MAP2K1: variants seen among roughly 807,000 people sequenced by gnomAD.
The protein encoded by MAP2K1 is dual specificity mitogen-activated protein kinase kinase 1.
A neutral mutation model predicts 46.3 loss-of-function variants in MAP2K1; 16 were observed. The observed-to-expected ratio is 0.35, with a 90% CI of 0.23 to 0.52. The LOEUF (loss-of-function observed/expected upper bound fraction) is 0.52, where lower values mean the gene tolerates loss of function less well. MAP2K1 is among the 20% of genes least tolerant of loss of function. The pLI, the probability that MAP2K1 is intolerant of heterozygous loss-of-function variation, is 0.94. For missense variants in MAP2K1, 263 were observed against 497.1 expected (o/e 0.53, Z 4.48); for synonymous variants, 183 against 185.6 (o/e 0.99, Z 0.11).
intron 5 of MAP2K1, among the ~76,000 whole-genome samples, chr15:66,478,485 T>A (rs1892831814): frequency 7.0e-6 from 1 of 143,336 alleles, no homozygotes; most frequent in Admixed American, 7.1e-5. Context: ...CAGGTGTATA[T>A]ATAGAGGTAT....
chr15:66,426,129 G>A (rs1039511142), intron 1 of MAP2K1, among the ~76,000 whole-genome samples: 2 of 121,794 alleles, frequency 1.6e-5, no homozygotes, highest in Non-Finnish European at 3.3e-5. Context: ...CTGGGAATAC[G>A]TAAGTGTTTT....
chr15:66,453,891 TAGGCTAAAGCGATTC>T (rs1468607005), intron 5 of MAP2K1, among the ~76,000 whole-genome samples: 1 of 152,158 alleles, frequency 6.6e-6, no homozygotes, highest in African/African-American at 2.4e-5. Context: ...CTTGGCCTCC[TAGGCTAAAGCGATTC>T]TCCTGCCTCA....
Position 66,437,794 on chromosome 15 carries a change from G to C in MAP2K1, c.438+902G>C, listed in dbSNP as rs572305328. Reference sequence around the variant, plus strand: ...GTTATAGGCATCTGCTGACATTTGTGGGTGCCATATGGAACCTAAATCCTA... The same window carrying C: ...GTTATAGGCATCTGCTGACATTTGTCGGTGCCATATGGAACCTAAATCCTA... On this transcript the variant is annotated intron_variant, in intron 3 of 10. Transcript: ENST00000307102. Among the ~76,000 whole-genome samples, 11 of 152,260 alleles carry C rather than the reference G, an allele frequency of 7.2e-5. No homozygotes were observed. The South Asian group carries it at 2.3e-3, about 32-fold the overall frequency.
chr15:66,488,137 C>T (rs2140680737), intron 8 of MAP2K1, among the ~76,000 whole-genome samples: 1 of 152,280 alleles, frequency 6.6e-6, no homozygotes, highest in South Asian at 2.1e-4. Flanking sequence ...CCTCTGCTGG[C>T]ACACAGCCCC....
chr15:66,431,875 GTGT>G (rs996585243), intron 1 of MAP2K1, among the ~76,000 whole-genome samples: 1 of 152,218 alleles, frequency 6.6e-6, no homozygotes, highest in Non-Finnish European at 1.5e-5. Context: ...GCCCCAGTGT[GTGT>G]TGTTCCCGCC....
intron 1 of MAP2K1, among the ~76,000 whole-genome samples, chr15:66,408,908 A>G (rs912619358): frequency 5.9e-5 from 9 of 152,116 alleles, no homozygotes; most frequent in Non-Finnish European, 1.0e-4. Context: ...TACATATTCC[A>G]TCACACTTCA....
At chr15:66,411,313 A>G (rs2093410799) in intron 1 of MAP2K1, among the ~76,000 whole-genome samples, 1 of 152,114 alleles carries the variant, frequency 6.6e-6, no homozygotes, top group Non-Finnish European at 1.5e-5. Flanking sequence ...TGAATATACT[A>G]GGGTCTCAGG....
intron 5 of MAP2K1, among the ~76,000 whole-genome samples, chr15:66,477,616 G>A (rs1332517457): frequency 2.0e-5 from 3 of 152,174 alleles, no homozygotes; most frequent in Admixed American, 2.0e-4. Flanking sequence ...TAAGTGGCAG[G>A]GTCAGGATTT....
intron 5 of MAP2K1, among the ~76,000 whole-genome samples, chr15:66,445,124 C>G (rs534493679): frequency 1.6e-5 from 2 of 126,896 alleles, no homozygotes; most frequent in East Asian, 5.0e-4. Flanking sequence ...ATAATCCCAG[C>G]ACTTTGGGAG....
At chr15:66,405,063 TTGCA>T (rs2093393028) in intron 1 of MAP2K1, among the ~76,000 whole-genome samples, 1 of 152,214 alleles carries the variant, frequency 6.6e-6, no homozygotes, top group Non-Finnish European at 1.5e-5. Context: ...CCTCATCTCT[TTGCA>T]TTCATTATCT....
At chr15:66,397,752 C>A (rs1379806593) in intron 1 of MAP2K1, among the ~76,000 whole-genome samples, 1 of 152,106 alleles carries the variant, frequency 6.6e-6, no homozygotes, top group Non-Finnish European at 1.5e-5. Flanking sequence ...CAAGAGGAAA[C>A]AATCAGACAA....
intron 1 of MAP2K1, among the ~76,000 whole-genome samples, chr15:66,411,065 T>C (rs908123227): frequency 1.7e-4 from 26 of 152,156 alleles, no homozygotes; most frequent in Admixed American, 1.6e-3. Flanking sequence ...GTTATGTGCG[T>C]TGAGTTTCTT....
At chr15:66,490,214 T>C (rs751592154) in intron 10 of MAP2K1, 9 of 566,472 alleles carry the variant, frequency 1.6e-5, no homozygotes, top group Non-Finnish European at 2.5e-5. Context: ...CATCATTTTC[T>C]TTGTCCCTTC....
At chr15:66,485,837 C>G (rs912665430) in intron 7 of MAP2K1, among the ~76,000 whole-genome samples, 1 of 152,160 alleles carries the variant, frequency 6.6e-6, no homozygotes, top group Non-Finnish European at 1.5e-5. Flanking sequence ...GCCTCAGCCT[C>G]CCAAAATGCT....
At chr15:66,433,741 A>G (rs930445545) in intron 1 of MAP2K1, among the ~76,000 whole-genome samples, 3 of 152,172 alleles carry the variant, frequency 2.0e-5, no homozygotes, top group African/African-American at 7.2e-5. Context: ...TGTATAATGA[A>G]GGCCTATCTT....
intron 1 of MAP2K1, among the ~76,000 whole-genome samples, chr15:66,410,113 C>T (rs1337782435): frequency 6.6e-6 from 1 of 152,224 alleles, no homozygotes; most frequent in African/African-American, 2.4e-5. Context: ...CATCCGGATC[C>T]GTTGACTTCT....
Position 66,476,300 on chromosome 15 carries a change from C to T in MAP2K1, c.569-5455C>T, listed in dbSNP as rs946431632. ...AGTTATCAAAGGATCAGAAAGAGAACGCAAGGCCCAGAGGTGGCCTCAGGA... is the reference window on the plus strand; with the variant it reads ...AGTTATCAAAGGATCAGAAAGAGAATGCAAGGCCCAGAGGTGGCCTCAGGA... On this transcript the variant is annotated intron_variant, in intron 5 of 10. Coordinates refer to ENST00000307102, the MANE Select transcript of MAP2K1 (RefSeq NM_002755.4). 2.6e-4 allele frequency among the ~76,000 whole-genome samples: 40 copies of T among 152,292 alleles called. 1 individual carries two copies. The highest frequency in any genetic ancestry group is 8.7e-4 in the African/African-American group (36 of 41,560).
At chr15:66,435,327 T>A in intron 2 of MAP2K1, 90 bp downstream of exon 2, 2 of 1,036,066 alleles carry the variant, frequency 1.9e-6, no homozygotes, top group Non-Finnish European at 3.0e-6. Flanking sequence ...CTGATTTTAC[T>A]CAATACCTTT....
chr15:66,433,641 G>T (rs1274731536), intron 1 of MAP2K1, among the ~76,000 whole-genome samples: 1 of 152,218 alleles, frequency 6.6e-6, no homozygotes, highest in Non-Finnish European at 1.5e-5. Flanking sequence ...GTTTGGGATA[G>T]AGGGTGTGAA....
Sources: allele counts gnomAD v4.1 joint callset (sites outside exome capture counted in the v4.1 genomes callset), GRCh38; gene constraint gnomAD v4.1.1; transcripts MANE v1.5; gene names NCBI Gene and HGNC (gene_info 2026-07-23, HGNC 2026-07-21).